The following PFKFB2 variants were observed in gnomAD, a reference collection of about 807,000 sequenced individuals.
PFKFB2 encodes 6-phosphofructo-2-kinase/fructose-2,6-bisphosphatase 2.
PFKFB2 carries 53 observed loss-of-function variants against 68.0 expected under a neutral mutation model. That is an observed-to-expected ratio of 0.78 (90% CI 0.63 to 0.98). The LOEUF (loss-of-function observed/expected upper bound fraction) is 0.98. PFKFB2 is among the 50% of genes least tolerant of loss of function. The probability of loss-of-function intolerance (pLI) is 0.00; values close to 1 mark genes in which losing one functional copy is unlikely to be tolerated. For synonymous variants in PFKFB2, 222 were observed against 227.6 expected (o/e 0.98, Z 0.22); for missense variants, 451 against 642.0 (o/e 0.70, Z 3.22).
rs1683204892 is a variant in PFKFB2, at chr1:207,063,956, G to A, written c.507+127G>A. 1.3e-6 allele frequency: 1 copy of A among 743,390 alleles called. No homozygotes were observed. The highest frequency in any genetic ancestry group is 1.5e-5 in the South Asian group (1 of 66,250). The allele number at this position is 743,390 out of a possible 1,614,324, so 46.0% of individuals were successfully genotyped here. A position where few individuals can be genotyped will look rare whatever the true frequency, so the allele number is the denominator to read the frequency against. On this transcript the variant is annotated intron_variant, in intron 7 of 14. Transcript: ENST00000367080. This position sits in a 1 kb window ranked among gnomAD's most constrained non-coding sequence, Gnocchi z 4.1. ...GTTTTCGTAATGAAAGAGAGAAATA[G>A]ACATGTTTAACATCACAAAGAGATC...
At chr1:207,046,688 A>G (rs1682606600) in intron 2 of PFKFB2, 1 of 152,140 alleles carries the variant, frequency 6.6e-6, no homozygotes, top group African/African-American at 2.4e-5. Flanking sequence ...TTGACACTTA[A>G]TATGTAAACA....
intron 8 of PFKFB2, among the ~76,000 whole-genome samples, chr1:207,066,067 A>G (rs1489322905): frequency 1.3e-5 from 2 of 152,358 alleles, no homozygotes; most frequent in East Asian, 3.9e-4. Flanking sequence ...ATATTTTTAT[A>G]TCTATCTCTC....
Position 207,070,663 on chromosome 1 carries a change from A to G in PFKFB2, c.1222+254A>G, listed in dbSNP as rs1200833010. 9.1e-6 allele frequency: 4 copies of G among 441,200 alleles called. No individual in the cohort carries two copies. Among genetic ancestry groups the G allele is most frequent in the Non-Finnish European group, 1.7e-5 (4 of 240,014 alleles). The allele number at this position is 441,200 out of a possible 1,614,324, so 27.3% of individuals were successfully genotyped here. A position where few individuals can be genotyped will look rare whatever the true frequency, so the allele number is the denominator to read the frequency against. On this transcript the variant is annotated intron_variant, in intron 12 of 14. Transcript: ENST00000367080. The surrounding 1 kb of genome is among the most constrained non-coding windows in gnomAD (Gnocchi z 4.2). Reference sequence around the variant, plus strand: ...CCTGCCTGGCTCAAGGGCCAGTGTCATGCTGACACTCCTGGCAGCATCAGG... The same window carrying G: ...CCTGCCTGGCTCAAGGGCCAGTGTCGTGCTGACACTCCTGGCAGCATCAGG...
chr1:207,072,797 C>G lies in PFKFB2; in HGVS notation c.*426C>G. 1.0e-6 allele frequency: 1 copy of G among 995,964 alleles called. No individual in the cohort carries two copies. The highest frequency in any genetic ancestry group is 4.5e-5 in the South Asian group (1 of 22,326). The allele number at this position is 995,964 out of a possible 1,614,324, so 61.7% of individuals were successfully genotyped here. On this transcript the variant is annotated 3_prime_UTR_variant, in exon 15 of 15. Coordinates refer to ENST00000367080, the MANE Select transcript of PFKFB2 (RefSeq NM_006212.2). ...GTCGGGGGACAAAAAGTCTATTTTT[C>G]CTTCACTTTTGTCTCTTCAATGTGT...
chr1:207,039,616 C>A (rs1016723135), intron 1 of PFKFB2, among the ~76,000 whole-genome samples: 3 of 152,110 alleles, frequency 2.0e-5, no homozygotes, highest in Non-Finnish European at 4.4e-5. Context: ...TTGTTTCATA[C>A]CTGATATTTC....
At chr1:207,051,121 A>G (rs1188845118), upstream of PFKFB2, 2 of 1,422,120 alleles carry the variant, frequency 1.4e-6, no homozygotes, top group South Asian at 1.5e-5. Context: ...TTTTAAAGTG[A>G]CAACTGATTT....
chr1:207,068,935 T>G (rs374439073), intron 10 of PFKFB2, among the ~76,000 whole-genome samples: 84 of 152,144 alleles, frequency 5.5e-4, no homozygotes, highest in African/African-American at 1.8e-3. Context: ...TTAGGGGAGA[T>G]GGGGTTTCAC....
At chr1:207,078,901 C>A (rs900983271), downstream of PFKFB2, 6 of 1,456,700 alleles carry the variant, frequency 4.1e-6, no homozygotes, top group East Asian at 1.1e-4. Context: ...CTTTTATGTT[C>A]GCTGCTTGGC....
intron 2 of PFKFB2, chr1:207,047,862 G>C (rs922726591): frequency 1.3e-5 from 2 of 152,204 alleles, no homozygotes; most frequent in African/African-American, 2.4e-5. Context: ...CAAAGTAAAA[G>C]ATTGCAGATA....
intron 3 of PFKFB2, among the ~76,000 whole-genome samples, chr1:207,062,389 C>G (rs566997217): frequency 2.2e-4 from 34 of 152,316 alleles, no homozygotes; most frequent in Middle Eastern, 3.4e-3. Context: ...GTGAAATAGA[C>G]AGAGTGGCTG....
chr1:207,069,345 A>T lies in PFKFB2; in HGVS notation c.988-79A>T, dbSNP rs1299268297. 6 of 962,526 alleles carry T rather than the reference A, an allele frequency of 6.2e-6. No homozygotes were observed. In the Admixed American group the frequency reaches 9.5e-5, roughly 15 times the overall value. 59.6% of individuals were successfully genotyped at this position (962,526 alleles called of 1,614,324 possible). A position where few individuals can be genotyped will look rare whatever the true frequency, so the allele number is the denominator to read the frequency against. On this transcript the variant is annotated intron_variant, in intron 10 of 14. Coordinates refer to ENST00000367080, the MANE Select transcript of PFKFB2 (RefSeq NM_006212.2). ...CGTACTAAGAAACTAGCATTCTTCA[A>T]TGTCATCTTCCTTATTTGGGATGGG...
chr1:207,072,020 A>G (rs574070589), intron 14 of PFKFB2, among the ~76,000 whole-genome samples, 184 bp from the exon 15 acceptor site: 4 of 152,206 alleles, frequency 2.6e-5, no homozygotes, highest in African/African-American at 9.6e-5. Flanking sequence ...ATGCTCAAGG[A>G]GCTTCTCCCT....
chr1:207,040,191 C>T (rs1682450358), intron 1 of PFKFB2, among the ~76,000 whole-genome samples: 1 of 152,192 alleles, frequency 6.6e-6, no homozygotes, highest in Non-Finnish European at 1.5e-5. Context: ...TTGTACTTAA[C>T]TTCGGTATTG....
chr1:207,056,830 A>G lies in PFKFB2; in HGVS notation c.85+2028A>G, dbSNP rs558224300. ...AAGGAGAAAATAAAGTTATGAGTAT[A>G]TGTGTTAACTTACTTCCTTTTCCTC... On this transcript the variant is annotated intron_variant, in intron 2 of 14. Transcript: ENST00000367080. 1.1e-3 allele frequency among the ~76,000 whole-genome samples: 174 copies of G among 152,306 alleles called. 1 individual carries two copies. Among genetic ancestry groups the G allele is most frequent in the African/African-American group, 3.9e-3 (163 of 41,568 alleles).
upstream of PFKFB2, chr1:207,051,098 C>A: frequency 7.0e-7 from 1 of 1,436,192 alleles, no homozygotes; most frequent in Non-Finnish European, 9.1e-7. Flanking sequence ...AGTACCTTAG[C>A]AAGCGCGAAC....
intron 1 of PFKFB2, among the ~76,000 whole-genome samples, chr1:207,054,158 T>A (rs1345696852): frequency 6.6e-6 from 1 of 151,976 alleles, no homozygotes; most frequent in African/African-American, 2.4e-5. Context: ...CGCCTCAGCC[T>A]CCCCAAGTGT....
At chr1:207,035,065 G>A (rs976714689) in intron 1 of PFKFB2, 1 of 691,920 alleles carries the variant, frequency 1.4e-6, no homozygotes, top group African/African-American at 2.0e-5. Flanking sequence ...GTTGATATAG[G>A]TCATCATTTG....
rs867371455 is a variant in PFKFB2, at chr1:207,075,095, C to T, written c.*2724C>T. ...GAATGAGAAGAGGGAGCACTTTGAT[C>T]CACAGACTTTGGATTAACACTGTAC... is the stretch of plus-strand genomic sequence containing the variant. On this transcript the variant is annotated 3_prime_UTR_variant, in exon 15 of 15. Coordinates refer to ENST00000367080, the MANE Select transcript of PFKFB2 (RefSeq NM_006212.2). 1.0e-6 allele frequency: 1 copy of T among 985,304 alleles called. No homozygotes were observed. The highest frequency in any genetic ancestry group is 1.2e-6 in the Non-Finnish European group (1 of 829,940). 61.0% of individuals were successfully genotyped at this position (985,304 alleles called of 1,614,324 possible).
At chr1:207,037,556 C>T (rs968831619) in intron 1 of PFKFB2, among the ~76,000 whole-genome samples, 1 of 152,346 alleles carries the variant, frequency 6.6e-6, no homozygotes, top group South Asian at 2.1e-4. Context: ...CCTACATGAT[C>T]TCTGCTTTCA....
Sources: allele counts gnomAD v4.1 joint callset (sites outside exome capture counted in the v4.1 genomes callset), GRCh38; gene constraint gnomAD v4.1.1; non-coding constraint Gnocchi (gnomAD v3.1); transcripts MANE v1.5; gene names NCBI Gene and HGNC (gene_info 2026-07-23, HGNC 2026-07-21).